NUP155: variants seen among roughly 807,000 people sequenced by gnomAD.
NUP155 encodes the protein nuclear pore complex protein Nup155.
Under a neutral mutation model 180.4 loss-of-function variants are expected in NUP155, and 71 were observed. That is an observed-to-expected ratio of 0.39 (90% CI 0.33 to 0.48). The LOEUF (loss-of-function observed/expected upper bound fraction) is 0.48, where lower values mean the gene tolerates loss of function less well. Among genes scored for constraint, NUP155 ranks in the 20% least tolerant of loss-of-function variants. The pLI is 0.91. For synonymous variants in NUP155, 582 were observed against 559.5 expected, an observed-to-expected ratio of 1.04 and a Z score of -0.57; for missense variants, 1,553 against 1,648.9, an observed-to-expected ratio of 0.94 and a Z score of 1.01.
At position 37,301,569 on chromosome 5, in the gene NUP155, A is replaced by C; in HGVS notation, c.3448-19T>G. ...TAGCAACCTAGTTTGGGCAGAAAAC[A>C]GGATGTCTTAATTTATTTATGATAA... On this transcript the variant is annotated intron_variant, in intron 29 of 34. Coordinates refer to ENST00000231498, the MANE Select transcript of NUP155 (RefSeq NM_153485.3). The C allele has an allele frequency of 7.3e-7, 1 of 1,375,280 alleles. No homozygotes were observed. Among genetic ancestry groups the C allele is most frequent in the Non-Finnish European group, 1.0e-6 (1 of 962,478 alleles). 85.2% of individuals were successfully genotyped at this position (1,375,280 alleles called of 1,614,324 possible). A position where few individuals can be genotyped will look rare whatever the true frequency, so the allele number is the denominator to read the frequency against.
chr5:37,341,198 C>T lies in NUP155; in HGVS notation c.1138G>A (p.Ala380Thr), dbSNP rs1561798402. The T allele has an allele frequency of 1.2e-6, 2 of 1,613,998 alleles. No homozygotes were observed. The highest frequency in any genetic ancestry group is 1.1e-5 in the South Asian group (1 of 91,078). Residue 380 changes from alanine (A) to threonine (T), a missense_variant, in exon 11 of 35, where the codon GCA becomes ACA. By Grantham distance (58) the Ala-to-Thr change is moderately conservative. Coordinates refer to ENST00000231498, the MANE Select transcript of NUP155 (RefSeq NM_153485.3). ...FSTCPFRQPLARPNTLTLVHV... is the reference protein window; with the variant it reads ...FSTCPFRQPLTRPNTLTLVHV... ...ACCAGCGTCAGTGTATTAGGCCGTGCTAATGGCTGTCTGAATGGACAAGTG... is the reference window on the plus strand; with the variant it reads ...ACCAGCGTCAGTGTATTAGGCCGTGTTAATGGCTGTCTGAATGGACAAGTG...
At chr5:37,364,156 A>G (rs1747396528) in intron 2 of NUP155, 91 bp downstream of exon 2, 1 of 1,186,138 alleles carries the variant, frequency 8.4e-7, no homozygotes, top group Non-Finnish European at 1.2e-6. Flanking sequence ...AAATGAATAT[A>G]TAACACATTA....
chr5:37,310,691 T>A lies in NUP155; in HGVS notation c.2489A>T (p.Asp830Val). The A allele has an allele frequency of 1.9e-6, 3 of 1,613,932 alleles. No homozygotes were observed. Among genetic ancestry groups the A allele is most frequent in the Non-Finnish European group, 2.5e-6 (3 of 1,179,910 alleles). Residue 830 changes from aspartate to valine, a missense_variant, in exon 23 of 35, where the codon GAC becomes GTC. Transcript: ENST00000231498. ...AATTAATGCCCCTGTGAGTTCTTTG[T>A]CCCTGATTACAAGATCTTTAAAGGT... ...ITTFKDLVIR[D>V]KELTGALIAS...
intron 25 of NUP155, 39 bp downstream of exon 25, chr5:37,307,258 T>A: frequency 6.3e-7 from 1 of 1,588,088 alleles, no homozygotes; most frequent in Non-Finnish European, 8.6e-7. Context: ...AAAGTCTGTA[T>A]CCATAAAGAT....
chr5:37,349,179 A>C lies in NUP155; in HGVS notation c.896T>G (p.Val299Gly). Residue 299 changes from valine (V) to glycine (G), a missense_variant, in exon 8 of 35, where the codon GTA becomes GGA. Val to Gly is a moderately radical substitution (Grantham distance 109). Coordinates refer to ENST00000231498, the MANE Select transcript of NUP155 (RefSeq NM_153485.3). ...NILYTRSEKG[V>G]IQVYDLGQDG... ...AATAATATTAATACTAACCTGTATTACTCCTTTCTCAGATCGTGTATATAA... is the reference window on the plus strand; with the variant it reads ...AATAATATTAATACTAACCTGTATTCCTCCTTTCTCAGATCGTGTATATAA... 1 of 737,814 alleles carries C rather than the reference A, an allele frequency of 1.4e-6. No homozygotes were observed. The highest frequency in any genetic ancestry group is 2.2e-6 in the Non-Finnish European group (1 of 458,926). The allele number at this position is 737,814 out of a possible 1,614,324, so 45.7% of individuals were successfully genotyped here.
chr5:37,297,113 T>TAA lies in NUP155; in HGVS notation c.3793+1753_3793+1754dup, dbSNP rs1742629132. Among the ~76,000 whole-genome samples, 6 of 152,224 alleles carry TAA rather than the reference T, an allele frequency of 3.9e-5. No homozygotes were observed. The South Asian group carries it at 1.2e-3, about 32-fold the overall frequency. On this transcript the variant is annotated intron_variant, in intron 32 of 34. Coordinates refer to ENST00000231498, the MANE Select transcript of NUP155 (RefSeq NM_153485.3). ...ATCAAAAGAAAAAAATATATATATA[T>TAA]AAGTAAAACATAGAAATCCTCCTAA...
chr5:37,325,353 G>A (rs961478243), intron 19 of NUP155, among the ~76,000 whole-genome samples: 4 of 152,118 alleles, frequency 2.6e-5, no homozygotes, highest in African/African-American at 9.7e-5. Flanking sequence ...CTTTTACCAT[G>A]AGGTATCAGG....
intron 4 of NUP155, among the ~76,000 whole-genome samples, chr5:37,357,038 C>T (rs767033020): frequency 2.0e-5 from 3 of 152,012 alleles, no homozygotes; most frequent in East Asian, 1.9e-4. Flanking sequence ...TCCTGGGAGG[C>T]GGAGGCTGCT....
At position 37,333,592 on chromosome 5, in the gene NUP155, C is replaced by A; in HGVS notation, c.1389G>T (p.Ala463=). 1 of 1,613,704 alleles carries A rather than the reference C, an allele frequency of 6.2e-7. No individual in the cohort carries two copies. The highest frequency in any genetic ancestry group is 8.5e-7 in the Non-Finnish European group (1 of 1,179,792). The change falls in exon 13 of 35, where the codon GCG becomes GCT. Residue 463 remains alanine, a synonymous_variant. Transcript: ENST00000231498. ...TTTTATCTACTTTCAATTCATCTAT[C>A]GCAGAAAGAGCCCAGGAATGACCAT... ...GVDGHSWALS[A]IDELKVDKII... is the part of the protein sequence containing the mutation.
chr5:37,293,075 T>C (rs1249031762), intron 33 of NUP155, 90 bp from the exon 34 acceptor site: 2 of 874,126 alleles, frequency 2.3e-6, no homozygotes, highest in Non-Finnish European at 1.9e-6. Context: ...TCAGGATCCA[T>C]GCAAAACTTA....
chr5:37,346,569 G>C (rs1013252269), intron 9 of NUP155, among the ~76,000 whole-genome samples: 3 of 152,036 alleles, frequency 2.0e-5, no homozygotes, highest in Non-Finnish European at 4.4e-5. Flanking sequence ...CTACTCAGGA[G>C]GCTAAGGCAG....
At chr5:37,350,303 T>C (rs201174195) in intron 6 of NUP155, 38 bp from the exon 7 acceptor site, 1 of 1,341,194 alleles carries the variant, frequency 7.5e-7, no homozygotes, top group Admixed American at 1.7e-5. Context: ...TATAAAAGTA[T>C]GTAACTCCCT....
At chr5:37,293,089 C>G (rs375630024) in intron 33 of NUP155, 104 bp from the exon 34 acceptor site, 1 of 778,628 alleles carries the variant, frequency 1.3e-6, no homozygotes, top group East Asian at 2.5e-5. Context: ...AAACTTATCG[C>G]TATTAAAAAG....
At chr5:37,303,746 G>T (rs1319515153) in intron 27 of NUP155, among the ~76,000 whole-genome samples, 1 of 152,080 alleles carries the variant, frequency 6.6e-6, no homozygotes, top group Non-Finnish European at 1.5e-5. Context: ...AGGAGTTTGA[G>T]ACCAGCCTGG....
intron 4 of NUP155, among the ~76,000 whole-genome samples, chr5:37,354,459 T>TC (rs201541524): frequency 8.9e-5 from 4 of 45,056 alleles, no homozygotes; most frequent in African/African-American, 2.6e-4. Context: ...TATTTCTTCT[T>TC]TTTTTTTTTT....
chr5:37,301,480 T>C lies in NUP155; in HGVS notation c.3518A>G (p.Asp1173Gly), dbSNP rs1211380560. The change falls in exon 30 of 35, where the codon GAT (aspartate) becomes GGT (glycine). Residue 1173 changes from aspartate to glycine, a missense_variant. Physicochemically the swap from Asp to Gly is moderately conservative, Grantham distance 94. Transcript: ENST00000231498. Reference protein sequence around the residue: ...RQYSHHSSVQDAVSQLDSELM... With the variant: ...RQYSHHSSVQGAVSQLDSELM... ...CTCAGAATCCAGCTGAGAAACTGCA[T>C]CCTGTACAGAAGAATGATGGGAATA... The C allele has an allele frequency of 3.1e-6, 5 of 1,613,780 alleles. No individual in the cohort carries two copies. The highest frequency in any genetic ancestry group is 3.4e-6 in the Non-Finnish European group (4 of 1,179,824).
At chr5:37,352,377 A>G (rs968809656) in intron 5 of NUP155, among the ~76,000 whole-genome samples, 3 of 151,758 alleles carry the variant, frequency 2.0e-5, no homozygotes, top group African/African-American at 4.8e-5. Context: ...ACAAACAAAC[A>G]AAAAAACAAA....
At position 37,299,386 on chromosome 5, in the gene NUP155, T is replaced by C. The variant is rs532606102; in HGVS notation, c.3682+62A>G. ...TTGCATTATATTAGTTACTAGCAGC[T>C]TGCATTCCTCCACCAAGTCACTACA... On this transcript the variant is annotated intron_variant, in intron 31 of 34. Transcript: ENST00000231498. The C allele has an allele frequency of 1.9e-6, 3 of 1,592,602 alleles. No homozygotes were observed. In the South Asian group the frequency reaches 3.3e-5, roughly 18 times the overall value.
In NUP155 at chr5:37,364,878, C is replaced by T. The variant is rs376187530; in HGVS notation, c.158-494G>A. 4.6e-5 allele frequency among the ~76,000 whole-genome samples: 7 copies of T among 151,790 alleles called. No individual in the cohort carries two copies. The South Asian group carries it at 6.2e-4, about 14-fold the overall frequency. On this transcript the variant is annotated intron_variant, in intron 1 of 34. Transcript: ENST00000231498. The stretch of plus-strand genomic sequence containing the variant: ...GTCTTGATCTCCTGACCTCATGATC[C>T]GCCCGCCTCGGCCTCCCAAAAGGCT...
Sources: allele counts gnomAD v4.1 joint callset (sites outside exome capture counted in the v4.1 genomes callset), GRCh38; gene constraint gnomAD v4.1.1; transcripts MANE v1.5; gene names NCBI Gene and HGNC (gene_info 2026-07-23, HGNC 2026-07-21).